Variants in DNAH14 observed in about 807,000 individuals in gnomAD.
DNAH14 encodes dynein axonemal heavy chain 14, also known as axonemal beta dynein heavy chain 14.
DNAH14 carries 478 observed loss-of-function variants against 520.9 expected under a neutral mutation model. The ratio of observed to expected loss-of-function variants is 0.92; its 90% CI spans 0.85 to 0.99. The LOEUF (loss-of-function observed/expected upper bound fraction) is 0.99, where lower values mean the gene tolerates loss of function less well. Ranked by LOEUF, DNAH14 falls within the 50% of genes least tolerant of loss-of-function variation. The pLI, the probability that DNAH14 is intolerant of heterozygous loss-of-function variation, is 0.00. For missense variants in DNAH14, 4,831 were observed against 5,234.5 expected, an observed-to-expected ratio of 0.92 and a Z score of 2.38; for synonymous variants, 1,581 against 1,757.2, an observed-to-expected ratio of 0.90 and a Z score of 2.51.
At chr1:225,080,796 T>C in intron 19 of DNAH14, 48 bp downstream of exon 19, 5 of 1,466,416 alleles carry the variant, frequency 3.4e-6, no homozygotes, top group Non-Finnish European at 4.5e-6. Context: ...ATATACCAAA[T>C]GGCCTTTGGA....
intron 1 of DNAH14, among the ~76,000 whole-genome samples, chr1:224,944,045 A>G (rs1253124265): frequency 6.6e-6 from 1 of 152,070 alleles, no homozygotes; most frequent in African/African-American, 2.4e-5. Context: ...ATTCCTGGAT[A>G]TCCTTGTTAA....
At chr1:225,332,395 C>A (rs2094817126) in intron 65 of DNAH14, among the ~76,000 whole-genome samples, 1 of 151,994 alleles carries the variant, frequency 6.6e-6, no homozygotes, top group South Asian at 2.1e-4. Context: ...ATGGTGAGCA[C>A]CAAAACAGAG....
At chr1:225,122,302 A>G (rs2077362788) in intron 26 of DNAH14, among the ~76,000 whole-genome samples, 1 of 152,134 alleles carries the variant, frequency 6.6e-6, no homozygotes, top group African/African-American at 2.4e-5. Flanking sequence ...CTAGTTTCTA[A>G]CTACAACAAC....
At chr1:224,980,245 CAG>C (rs1229004303) in intron 8 of DNAH14, among the ~76,000 whole-genome samples, 1 of 152,108 alleles carries the variant, frequency 6.6e-6, no homozygotes. Flanking sequence ...TGCACTGGGA[CAG>C]AGGAGAGCAC....
intron 10 of DNAH14, among the ~76,000 whole-genome samples, chr1:225,020,289 G>A (rs1163098866): frequency 6.6e-6 from 1 of 151,900 alleles, no homozygotes; most frequent in Non-Finnish European, 1.5e-5. Flanking sequence ...CTGAGGTCAG[G>A]AGTTTGAGAC....
intron 27 of DNAH14, among the ~76,000 whole-genome samples, chr1:225,126,350 G>A (rs2077715969): frequency 6.6e-6 from 1 of 152,200 alleles, no homozygotes; most frequent in African/African-American, 2.4e-5. Context: ...GACTCCTTTT[G>A]GTTGGAAGCT....
At chr1:225,151,781 T>C (rs953138529) in intron 31 of DNAH14, 3 of 642,894 alleles carry the variant, frequency 4.7e-6, no homozygotes, top group East Asian at 5.4e-5. Context: ...AGAAACATCT[T>C]TGGACATAAT....
At position 225,396,451 on chromosome 1, in the gene DNAH14, G is replaced by A. The variant is rs76735898; in HGVS notation, c.13492-2069G>A. On this transcript the variant is annotated intron_variant, in intron 84 of 85. Coordinates refer to ENST00000682510, the MANE Select transcript of DNAH14 (RefSeq NM_001367479.1). ...CTCATTCTGTAGGTCAGGAAACTAA[G>A]GTTCAAAGAGGCAGATCATAAGCTT... is the stretch of plus-strand genomic sequence containing the variant. The A allele has an allele frequency of 2.6e-5, 4 of 152,038 alleles. No homozygotes were observed. In the East Asian group the frequency reaches 7.7e-4, roughly 29 times the overall value. 9.4% of individuals were successfully genotyped at this position (152,038 alleles called of 1,614,324 possible).
chr1:225,367,971 GA>G lies in DNAH14; in HGVS notation c.12263del (p.Asn4088IlefsTer29). On this transcript the variant is annotated frameshift_variant, in exon 77 of 86. Coordinates refer to ENST00000682510, the MANE Select transcript of DNAH14 (RefSeq NM_001367479.1). LOFTEE classifies it high-confidence loss of function. ...TTTTTCAATGCTGTAATCAATGAAA[GA>G]AAAAATTACGGAATATTGGGCTGGA... is the stretch of plus-strand genomic sequence containing the variant. Reference protein sequence around the residue: ...LCFFNAVINERKNYGILGWNI... With the variant: ...LCFFNAVINEXKNYGILGWNI... 1.3e-6 allele frequency: 2 copies of G among 1,551,326 alleles called. No homozygotes were observed. The highest frequency in any genetic ancestry group is 2.4e-5 in the East Asian group (1 of 40,916).
intron 57 of DNAH14, among the ~76,000 whole-genome samples, chr1:225,304,495 C>T (rs2094201927): frequency 1.3e-5 from 2 of 152,156 alleles, no homozygotes; most frequent in East Asian, 1.9e-4. Flanking sequence ...GAGTTTGAGG[C>T]TACGTGAGCT....
At chr1:225,012,577 C>G (rs1476549938) in intron 10 of DNAH14, among the ~76,000 whole-genome samples, 1 of 152,124 alleles carries the variant, frequency 6.6e-6, no homozygotes, top group African/African-American at 2.4e-5. Context: ...TTCCGTTCTC[C>G]CTGTCACTTT....
At chr1:225,172,159 C>G (rs532480428) in intron 36 of DNAH14, among the ~76,000 whole-genome samples, 54 of 152,288 alleles carry the variant, frequency 3.5e-4, no homozygotes, top group African/African-American at 1.3e-3. Flanking sequence ...CAATATCATA[C>G]TGAATGGACA....
intron 12 of DNAH14, among the ~76,000 whole-genome samples, chr1:225,039,703 C>T (rs1457922113): frequency 6.7e-6 from 1 of 149,826 alleles, no homozygotes; most frequent in Non-Finnish European, 1.5e-5. Context: ...AGCCTTGTAC[C>T]CCGTCTCTAC....
At chr1:225,233,869 T>A (rs569508702) in intron 42 of DNAH14, among the ~76,000 whole-genome samples, 2 of 152,358 alleles carry the variant, frequency 1.3e-5, no homozygotes, top group South Asian at 4.1e-4. Context: ...CCCGTGCCTA[T>A]ATTCTGAATG....
intron 22 of DNAH14, among the ~76,000 whole-genome samples, chr1:225,100,145 A>C (rs183373821): frequency 6.6e-6 from 1 of 152,142 alleles, no homozygotes; most frequent in South Asian, 2.1e-4. Context: ...AAATAATGAT[A>C]ATCTTCTGTA....
intron 17 of DNAH14, among the ~76,000 whole-genome samples, chr1:225,071,126 T>C (rs892415518): frequency 6.6e-6 from 1 of 152,220 alleles, no homozygotes; most frequent in Non-Finnish European, 1.5e-5. Context: ...GTCTTGACTC[T>C]TTATCCCAGC....
In DNAH14 at chr1:225,206,165, G is replaced by A. The variant is rs1160497218; in HGVS notation, c.6172G>A (p.Ala2058Thr). Residue 2058 changes from alanine (A) to threonine (T), a missense_variant, in exon 40 of 86, where the codon GCC (alanine) becomes ACC (threonine). By Grantham distance (58) the Ala-to-Thr change is moderately conservative. Transcript: ENST00000682510. ...QASPATVSRCAMVYMDPVDLG... is the reference protein window; with the variant it reads ...QASPATVSRCTMVYMDPVDLG... ...CAGTCCTGCTACTGTCAGCCGATGT[G>A]CCATGGTCTATATGGTAAGCTTTCA... The A allele has an allele frequency of 6.4e-7, 1 of 1,550,876 alleles. No homozygotes were observed. Among genetic ancestry groups the A allele is most frequent in the South Asian group, 1.2e-5 (1 of 83,994 alleles).
intron 41 of DNAH14, among the ~76,000 whole-genome samples, chr1:225,228,178 A>G (rs541360783): frequency 1.3e-5 from 2 of 152,302 alleles, no homozygotes; most frequent in Admixed American, 1.3e-4. Flanking sequence ...GGCAACTGCT[A>G]TTGTTGCTGT....
intron 49 of DNAH14, among the ~76,000 whole-genome samples, chr1:225,270,502 A>T (rs1558219141): frequency 6.6e-6 from 1 of 152,176 alleles, no homozygotes; most frequent in Non-Finnish European, 1.5e-5. Flanking sequence ...TTTCCTGATG[A>T]CATTTAGAAA....
Sources: gnomAD v4.1 joint callset for allele counts (sites outside exome capture counted in the v4.1 genomes callset) on GRCh38, gnomAD v4.1.1 for gene constraint, MANE v1.5 for transcripts, NCBI Gene and HGNC (gene_info 2026-07-23, HGNC 2026-07-21) for gene names.